PCNT: variants seen among roughly 807,000 people sequenced by gnomAD.
PCNT encodes pericentrin.
A neutral mutation model predicts 380.4 loss-of-function variants in PCNT; 319 were observed. The observed-to-expected ratio is 0.84, with a 90% confidence interval of 0.77 to 0.92. The LOEUF is 0.92. Ranked by LOEUF, PCNT falls within the 40% of genes least tolerant of loss-of-function variation. The probability of loss-of-function intolerance (pLI) is 0.00; values close to 1 mark genes in which losing one functional copy is unlikely to be tolerated. For missense variants in PCNT, 4,400 were observed against 4,255.3 expected, an observed-to-expected ratio of 1.03 and a Z score of -0.95; for synonymous variants, 1,845 against 1,735.2, an observed-to-expected ratio of 1.06 and a Z score of -1.57.
intron 2 of PCNT, among the ~76,000 whole-genome samples, chr21:46,328,921 G>T (rs1009408753): frequency 2.0e-5 from 3 of 152,036 alleles, no homozygotes; most frequent in African/African-American, 7.3e-5. Context: ...TTACAAGTGG[G>T]CACCACCATG....
At chr21:46,338,691 T>C (rs1007497104) in intron 3 of PCNT, among the ~76,000 whole-genome samples, 2 of 151,496 alleles carry the variant, frequency 1.3e-5, no homozygotes, top group African/African-American at 2.4e-5. Flanking sequence ...CTATAACCTC[T>C]GCCTCCTGGG....
At chr21:46,360,928 C>T (rs1395456748) in intron 13 of PCNT, among the ~76,000 whole-genome samples, 1 of 152,180 alleles carries the variant, frequency 6.6e-6, no homozygotes, top group Non-Finnish European at 1.5e-5. Flanking sequence ...TCTTCCGTTT[C>T]ACTGTTCATT....
At chr21:46,422,315 G>A (rs1035334200) in intron 32 of PCNT, among the ~76,000 whole-genome samples, 191 bp downstream of exon 32, 16 of 152,152 alleles carry the variant, frequency 1.1e-4, no homozygotes, top group Non-Finnish European at 8.8e-5. Context: ...ACCCAGCCCT[G>A]CACTGGCCCC....
Position 46,411,693 on chromosome 21 carries a change from A to G in PCNT, c.5620A>G (p.Asn1874Asp), listed in dbSNP as rs761906838. 6.2e-7 allele frequency: 1 copy of G among 1,612,846 alleles called. No homozygotes were observed. The highest frequency in any genetic ancestry group is 1.1e-5 in the South Asian group (1 of 91,082). ...KAKEATIAER[N>D]LEIDALNQRK... is the part of the protein sequence containing the mutation. ...AAAGGAAGCGACGATTGCCGAGAGA[A>G]ATTTAGAAATCGACGCTCTGAACCA... The change falls in exon 28 of 47, where the codon AAT becomes GAT. Residue 1874 changes from asparagine to aspartate, a missense_variant. Coordinates refer to ENST00000359568, the MANE Select transcript of PCNT (RefSeq NM_006031.6).
chr21:46,423,673 T>C (rs2147870891), intron 32 of PCNT, among the ~76,000 whole-genome samples: 1 of 89,558 alleles, frequency 1.1e-5, no homozygotes, highest in South Asian at 4.5e-4. Flanking sequence ...CCTGTAGCCC[T>C]TGAGGCAGCA....
intron 8 of PCNT, among the ~76,000 whole-genome samples, chr21:46,351,037 C>G (rs536292321): frequency 1.8e-4 from 27 of 152,306 alleles, no homozygotes; most frequent in Admixed American, 7.8e-4. Context: ...ATTTGGGAGT[C>G]TTGGGTACTG....
chr21:46,426,056 CT>C, intron 33 of PCNT, 85 bp downstream of exon 33: 1 of 707,984 alleles, frequency 1.4e-6, no homozygotes, highest in Non-Finnish European at 2.3e-6. Flanking sequence ...CACGTGGACA[CT>C]AGGATTTCTT....
At chr21:46,363,444 C>G in intron 13 of PCNT, 36 bp from the exon 14 acceptor site, 1 of 1,537,758 alleles carries the variant, frequency 6.5e-7, no homozygotes, top group Non-Finnish European at 9.0e-7. Flanking sequence ...CTTCCATTAG[C>G]GTCTTTCCTC....
chr21:46,393,719 C>A (rs1332861104), intron 21 of PCNT, among the ~76,000 whole-genome samples: 1 of 152,248 alleles, frequency 6.6e-6, no homozygotes, highest in Non-Finnish European at 1.5e-5. Context: ...GTGTCGTGCC[C>A]TGGGCCTGAG....
chr21:46,357,472 C>T (rs920022728), intron 13 of PCNT, among the ~76,000 whole-genome samples: 1 of 152,200 alleles, frequency 6.6e-6, no homozygotes, highest in African/African-American at 2.4e-5. Context: ...GAGACAGTCT[C>T]ATTCTGTTGC....
intron 15 of PCNT, among the ~76,000 whole-genome samples, chr21:46,375,999 C>T (rs1416165242): frequency 1.3e-5 from 2 of 152,180 alleles, no homozygotes; most frequent in Non-Finnish European, 2.9e-5. Context: ...GAGGGAGCGC[C>T]ACCTCTGTCT....
intron 3 of PCNT, among the ~76,000 whole-genome samples, chr21:46,336,554 A>G (rs2146391126): frequency 6.6e-6 from 1 of 152,264 alleles, no homozygotes; most frequent in East Asian, 1.9e-4. Flanking sequence ...CTGGCTTGTG[A>G]CACTGCAAGT....
intron 10 of PCNT, 37 bp downstream of exon 10, chr21:46,353,363 C>T (rs776346177): frequency 6.5e-7 from 1 of 1,537,216 alleles, no homozygotes; most frequent in Non-Finnish European, 9.0e-7. Flanking sequence ...GAGTTTCTGC[C>T]ATACAGGGGC....
At chr21:46,324,343 T>G in intron 1 of PCNT, 61 bp downstream of exon 1, 1 of 1,350,014 alleles carries the variant, frequency 7.4e-7, no homozygotes. Flanking sequence ...GCGGCTCCGG[T>G]GCCCGCCACC....
chr21:46,433,452 A>T (rs775559701), intron 38 of PCNT, among the ~76,000 whole-genome samples: 20 of 152,094 alleles, frequency 1.3e-4, no homozygotes, highest in Non-Finnish European at 2.6e-4. Flanking sequence ...GAGAGTAGGG[A>T]GGTGGTTTGG....
At position 46,366,965 on chromosome 21, in the gene PCNT, T is replaced by G; in HGVS notation, c.2991T>G (p.Phe997Leu). Reference protein sequence around the residue: ...RQALELLRADFEEQLWKKDSL... With the variant: ...RQALELLRADLEEQLWKKDSL... ...CCCTAGAGCTCTTACGAGCAGACTTTGAGGAACAACTGTGGAAAAAGGACT... is the reference window on the plus strand; with the variant it reads ...CCCTAGAGCTCTTACGAGCAGACTTGGAGGAACAACTGTGGAAAAAGGACT... Residue 997 changes from phenylalanine (F) to leucine (L), a missense_variant, in exon 15 of 47, where the codon TTT becomes TTG. Transcript: ENST00000359568. 1 of 1,614,222 alleles carries G rather than the reference T, an allele frequency of 6.2e-7. No homozygotes were observed. The highest frequency in any genetic ancestry group is 2.2e-5 in the East Asian group (1 of 44,880).
chr21:46,438,546 A>G (rs1273049026), intron 41 of PCNT, among the ~76,000 whole-genome samples: 1 of 152,204 alleles, frequency 6.6e-6, no homozygotes, highest in Non-Finnish European at 1.5e-5. Flanking sequence ...CAGCTCCGCC[A>G]CAGACGGCGT....
rs778900170 is a variant in PCNT at position 46,388,746 on chromosome 21, G to C, written c.3469G>C (p.Ala1157Pro). 91 of 1,613,666 alleles carry C rather than the reference G, an allele frequency of 5.6e-5. 2 individuals carry two copies. The Admixed American group carries it at 1.4e-3, about 24-fold the overall frequency. ...GATGGGTGTCTCCTGTCTCAGAGGG[G>C]CCCTCCAGGACGCCCTGCGCAGGCT... ...DVNLSHSERG[A>P]LQDALRRLLG... Residue 1157 changes from alanine (A) to proline (P), a missense_variant, in exon 18 of 47, where the codon GCC becomes CCC. Ala to Pro is a conservative substitution (Grantham distance 27). Coordinates refer to ENST00000359568, the MANE Select transcript of PCNT (RefSeq NM_006031.6). The surrounding 1 kb of genome is among the most constrained non-coding windows in gnomAD (Gnocchi z 4.2).
chr21:46,431,678 C>G lies in PCNT; in HGVS notation c.8214C>G (p.Ser2738Arg). The G allele has an allele frequency of 6.2e-7, 1 of 1,613,122 alleles. No individual in the cohort carries two copies. Among genetic ancestry groups the G allele is most frequent in the Non-Finnish European group, 8.5e-7 (1 of 1,179,776 alleles). The change falls in exon 38 of 47, where the codon AGC becomes AGG. Residue 2738 changes from serine to arginine, a missense_variant. Coordinates refer to ENST00000359568, the MANE Select transcript of PCNT (RefSeq NM_006031.6). ...AGGCCTTGCTGGCTCAGGAGCGGAG[C>G]CAGCTCTCTGAGCTCCAGAAGGACC... is the stretch of plus-strand genomic sequence containing the variant. ...RCEALLAQER[S>R]QLSELQKDLA...
Sources: gnomAD v4.1 joint callset for allele counts (sites outside exome capture counted in the v4.1 genomes callset) on GRCh38, gnomAD v4.1.1 for gene constraint, Gnocchi (gnomAD v3.1) non-coding constraint, MANE v1.5 for transcripts, NCBI Gene and HGNC (gene_info 2026-07-23, HGNC 2026-07-21) for gene names.